B4GALT6: variants seen among roughly 807,000 people sequenced by gnomAD.
B4GALT6 encodes beta-1,4-galactosyltransferase 6.
B4GALT6 carries 14 observed loss-of-function variants against 46.3 expected under a neutral mutation model. The observed-to-expected ratio is 0.30, with a 90% CI of 0.20 to 0.47. The LOEUF is 0.47. Among genes scored for constraint, B4GALT6 ranks in the 20% least tolerant of loss-of-function variants. The pLI is 0.99. For synonymous variants in B4GALT6, 168 were observed against 162.0 expected (o/e 1.04, Z -0.28); for missense variants, 386 against 480.1 (o/e 0.80, Z 1.83).
chr18:31,694,882 G>T, the B4GALT6 span, among the ~76,000 whole-genome samples: 5 of 152,094 alleles, frequency 3.3e-5, no homozygotes, highest in African/African-American at 4.8e-5. Flanking sequence ...GACCCTATTT[G>T]TCTTTAAACT....
chr18:31,623,658 G>A lies in B4GALT6; in HGVS notation c.*1956C>T, dbSNP rs2073647429. The A allele has an allele frequency of 6.6e-6, 1 of 152,118 alleles. No individual in the cohort carries two copies. Among genetic ancestry groups the A allele is most frequent in the Non-Finnish European group, 1.5e-5 (1 of 67,794 alleles). The allele number at this position is 152,118 out of a possible 1,614,324, so 9.4% of individuals were successfully genotyped here. On this transcript the variant is annotated 3_prime_UTR_variant, in exon 9 of 9. Transcript: ENST00000306851. ...ATTTTCAGAAGGTTTGATTTTTCGA[G>A]TACCATAAAAAAACTGAAATATAAA...
chr18:31,709,621 A>G, the B4GALT6 span, among the ~76,000 whole-genome samples: 7,525 of 143,802 alleles, frequency 0.052, 676 homozygotes, highest in African/African-American at 0.18. Context: ...ATATCCTTCT[A>G]TGTAATCCTG....
At chr18:31,706,123 C>T in the B4GALT6 span, among the ~76,000 whole-genome samples, 1 of 152,046 alleles carries the variant, frequency 6.6e-6, no homozygotes, top group Non-Finnish European at 1.5e-5. Flanking sequence ...GTTTCATGCC[C>T]TAATCCCTCC....
At chr18:31,688,286 T>G (rs947841775), upstream of B4GALT6, among the ~76,000 whole-genome samples, 5 of 150,126 alleles carry the variant, frequency 3.3e-5, no homozygotes, top group Non-Finnish European at 7.4e-5. Context: ...CACACACATA[T>G]GTAATTCCAA....
the B4GALT6 span, among the ~76,000 whole-genome samples, chr18:31,716,003 G>T: frequency 1.3e-5 from 2 of 152,008 alleles, no homozygotes; most frequent in Admixed American, 6.6e-5. Context: ...GAAAACTGAG[G>T]CTTAGATACT....
upstream of B4GALT6, chr18:31,686,650 AT>A (rs1484600763): frequency 6.6e-6 from 1 of 152,194 alleles, no homozygotes; most frequent in African/African-American, 2.4e-5. Context: ...ATTTTGTAAC[AT>A]TTTTAGATGC....
chr18:31,708,965 A>G, the B4GALT6 span, among the ~76,000 whole-genome samples: 1 of 152,144 alleles, frequency 6.6e-6, no homozygotes, highest in Admixed American at 6.5e-5. Flanking sequence ...AACTTTCACA[A>G]TTGTTGCAAA....
Position 31,638,732 on chromosome 18 carries a change from C to G in B4GALT6, c.500G>C (p.Arg167Pro), listed in dbSNP as rs1328338345. ...GAAAAAAATTGGAAGATGTTCATGG[C>G]GATTACGGAAAGGAATGAGAACTGC... Reference protein sequence around the residue: ...KVAVLIPFRNRHEHLPIFFLH... With the variant: ...KVAVLIPFRNPHEHLPIFFLH... The change falls in exon 5 of 9, where the codon CGC (arginine) becomes CCC (proline). Residue 167 changes from arginine (R) to proline (P), a missense_variant. Physicochemically the swap from Arg to Pro is moderately radical, Grantham distance 103. Transcript: ENST00000306851. 1 of 1,613,768 alleles carries G rather than the reference C, an allele frequency of 6.2e-7. No individual in the cohort carries two copies. The highest frequency in any genetic ancestry group is 2.2e-5 in the East Asian group (1 of 44,868).
chr18:31,657,893 C>A, intron 3 of B4GALT6, 83 bp downstream of exon 3: 1 of 1,022,036 alleles, frequency 9.8e-7, no homozygotes, highest in South Asian at 1.5e-5. Context: ...ATGACCTGCT[C>A]CTGCTGCACT....
intron 3 of B4GALT6, among the ~76,000 whole-genome samples, chr18:31,655,978 C>T (rs1301755539): frequency 1.3e-5 from 2 of 152,002 alleles, no homozygotes; most frequent in East Asian, 1.9e-4. Flanking sequence ...CAAGGCTCAG[C>T]GGCAACAGCA....
intron 1 of B4GALT6, among the ~76,000 whole-genome samples, chr18:31,682,640 T>C (rs1268739821): frequency 2.0e-5 from 3 of 152,224 alleles, no homozygotes; most frequent in Non-Finnish European, 4.4e-5. Context: ...GAATTCTGAT[T>C]TCCTTTGGTT....
the B4GALT6 span, among the ~76,000 whole-genome samples, chr18:31,708,299 T>C: frequency 1.3e-5 from 2 of 152,242 alleles, no homozygotes; most frequent in Admixed American, 6.5e-5. Context: ...GTGCGGTGGC[T>C]CATGCCTATA....
At chr18:31,662,197 A>G (rs2074225515) in intron 2 of B4GALT6, among the ~76,000 whole-genome samples, 1 of 152,192 alleles carries the variant, frequency 6.6e-6, no homozygotes, top group East Asian at 1.9e-4. Context: ...AAGTTACGCA[A>G]TATCATTATA....
At chr18:31,638,785 GTAAA>G (rs1027486777) in intron 4 of B4GALT6, 25 bp from the exon 5 acceptor site, 1 of 1,534,258 alleles carries the variant, frequency 6.5e-7, no homozygotes, top group Non-Finnish European at 9.0e-7. Context: ...AGTCATGTAT[GTAAA>G]TAAATATATC....
At chr18:31,642,989 A>C (rs1362408049) in intron 4 of B4GALT6, among the ~76,000 whole-genome samples, 1 of 152,224 alleles carries the variant, frequency 6.6e-6, no homozygotes, top group Non-Finnish European at 1.5e-5. Context: ...GGGGCCTCAA[A>C]TATTAAGAAT....
At chr18:31,685,131 G>T (rs1234283509), upstream of B4GALT6, among the ~76,000 whole-genome samples, 1 of 146,334 alleles carries the variant, frequency 6.8e-6, no homozygotes, top group African/African-American at 2.5e-5. Flanking sequence ...CGGGAGCTGA[G>T]CACAGGCCAG....
intron 6 of B4GALT6, among the ~76,000 whole-genome samples, chr18:31,627,755 G>A (rs1450940496): frequency 2.0e-5 from 3 of 152,126 alleles, no homozygotes; most frequent in Admixed American, 6.6e-5. Flanking sequence ...CATACTCCAA[G>A]GAATGTGTCA....
At chr18:31,699,206 T>C in the B4GALT6 span, among the ~76,000 whole-genome samples, 10 of 151,208 alleles carry the variant, frequency 6.6e-5, no homozygotes, top group African/African-American at 2.2e-4. Flanking sequence ...GAAAACATCA[T>C]GTAAAAATTT....
intron 3 of B4GALT6, among the ~76,000 whole-genome samples, chr18:31,653,112 A>T (rs2074094985): frequency 6.6e-6 from 1 of 151,644 alleles, no homozygotes; most frequent in Non-Finnish European, 1.5e-5. Flanking sequence ...GTCTGCATGT[A>T]AGCTCACAGG....
Sources: gnomAD v4.1 joint callset for allele counts (sites outside exome capture counted in the v4.1 genomes callset) on GRCh38, gnomAD v4.1.1 for gene constraint, MANE v1.5 for transcripts, NCBI Gene and HGNC (gene_info 2026-07-23, HGNC 2026-07-21) for gene names.